Variants in CDK5RAP2 observed in about 807,000 individuals in gnomAD.
CDK5RAP2 encodes the protein CDK5 regulatory subunit associated protein 2, also known as CDK5 regulatory subunit-associated protein 2.
CDK5RAP2 carries 147 observed loss-of-function variants against 232.9 expected under a neutral mutation model. That is an observed-to-expected ratio of 0.63 (90% confidence interval 0.55 to 0.72). The LOEUF (loss-of-function observed/expected upper bound fraction) is 0.72, where lower values mean the gene tolerates loss of function less well. Ranked by LOEUF, CDK5RAP2 falls within the 30% of genes least tolerant of loss-of-function variation. CDK5RAP2 has a pLI of 0.00. For missense variants in CDK5RAP2, 2,195 were observed against 2,231.5 expected (o/e 0.98, Z 0.33); for synonymous variants, 833 against 833.7 (o/e 1.00, Z 0.01).
chr9:120,414,959 A>T, intron 28 of CDK5RAP2, 81 bp downstream of exon 28: 1 of 1,524,410 alleles, frequency 6.6e-7, no homozygotes, highest in Non-Finnish European at 9.1e-7. Context: ...CCTGCTTTGT[A>T]CACAGATGCT....
chr9:120,509,895 T>C (rs1172137914), intron 12 of CDK5RAP2, among the ~76,000 whole-genome samples: 1 of 152,192 alleles, frequency 6.6e-6, no homozygotes, highest in Non-Finnish European at 1.5e-5. Context: ...ACATAGGTCA[T>C]TTAAACTGCA....
In CDK5RAP2 at chr9:120,419,768, C is replaced by T. The variant is rs1373923338; in HGVS notation, c.4177+20G>A. 1.9e-6 allele frequency: 3 copies of T among 1,596,814 alleles called. No homozygotes were observed. Among genetic ancestry groups the T allele is most frequent in the Admixed American group, 3.3e-5 (2 of 60,008 alleles). On this transcript the variant is annotated intron_variant, in intron 27 of 37. Coordinates refer to ENST00000349780, the MANE Select transcript of CDK5RAP2 (RefSeq NM_018249.6). ...TTTTAATCAGGCCATGTTTAAAACACTTAATGAGGCTTAGCTTACCTTGAG... is the reference window on the plus strand; with the variant it reads ...TTTTAATCAGGCCATGTTTAAAACATTTAATGAGGCTTAGCTTACCTTGAG...
chr9:120,489,049 C>T (rs986498213), intron 13 of CDK5RAP2, among the ~76,000 whole-genome samples: 4 of 152,256 alleles, frequency 2.6e-5, no homozygotes, highest in African/African-American at 9.6e-5. Context: ...AGGCAAATGA[C>T]TGTAGGCACC....
intron 12 of CDK5RAP2, among the ~76,000 whole-genome samples, chr9:120,500,974 T>C (rs1218695874): frequency 1.3e-5 from 2 of 152,184 alleles, no homozygotes; most frequent in East Asian, 3.8e-4. Flanking sequence ...TTCCTACACC[T>C]GGGAGCTCCC....
intron 15 of CDK5RAP2, among the ~76,000 whole-genome samples, chr9:120,473,034 T>A (rs1187082769): frequency 1.3e-5 from 2 of 152,132 alleles, no homozygotes; most frequent in Non-Finnish European, 2.9e-5. Context: ...ATGGCAGAGA[T>A]CAGAACCAGT....
At chr9:120,400,148 C>CGTT (rs1235204712) in intron 35 of CDK5RAP2, among the ~76,000 whole-genome samples, 4 of 152,270 alleles carry the variant, frequency 2.6e-5, no homozygotes, top group Admixed American at 6.5e-5. Context: ...CCAGAGTGGG[C>CGTT]GTTCACCTTG....
intron 14 of CDK5RAP2, among the ~76,000 whole-genome samples, chr9:120,477,813 G>T (rs1007575312): frequency 1.3e-5 from 2 of 152,166 alleles, no homozygotes; most frequent in Non-Finnish European, 2.9e-5. Flanking sequence ...ATTCACTGTT[G>T]CTCCAAAGAA....
intron 32 of CDK5RAP2, 151 bp from the exon 33 acceptor site, chr9:120,404,264 G>A: frequency 1.5e-6 from 1 of 688,518 alleles, no homozygotes; most frequent in Non-Finnish European, 2.6e-6. Flanking sequence ...GTCCTGCCAA[G>A]CCCACCTTTG....
chr9:120,557,575 G>C (rs2042276477), intron 3 of CDK5RAP2, among the ~76,000 whole-genome samples: 1 of 151,996 alleles, frequency 6.6e-6, no homozygotes, highest in South Asian at 2.1e-4. Context: ...GGACAACATG[G>C]CGAAACCACT....
At chr9:120,559,926 C>T (rs188051591) in intron 3 of CDK5RAP2, among the ~76,000 whole-genome samples, 38 of 152,264 alleles carry the variant, frequency 2.5e-4, no homozygotes, top group Non-Finnish European at 4.1e-4. Context: ...GCCTGAAGTT[C>T]CATCTAAAAG....
chr9:120,502,740 C>A (rs2039632632), intron 12 of CDK5RAP2, among the ~76,000 whole-genome samples: 1 of 152,184 alleles, frequency 6.6e-6, no homozygotes, highest in African/African-American at 2.4e-5. Flanking sequence ...GGATCCTATG[C>A]AAATTTGTAT....
chr9:120,549,209 T>C (rs2041963874), intron 4 of CDK5RAP2, among the ~76,000 whole-genome samples: 1 of 150,730 alleles, frequency 6.6e-6, no homozygotes, highest in African/African-American at 2.4e-5. Context: ...AAATATAAGG[T>C]GCAGAACAGA....
chr9:120,543,751 A>G (rs1243311654), intron 5 of CDK5RAP2, among the ~76,000 whole-genome samples: 3 of 152,182 alleles, frequency 2.0e-5, no homozygotes, highest in Non-Finnish European at 4.4e-5. Flanking sequence ...CCAGCTACTC[A>G]GGAGGCTGAG....
chr9:120,391,662 C>A (rs2031992318), intron 36 of CDK5RAP2, among the ~76,000 whole-genome samples: 1 of 152,220 alleles, frequency 6.6e-6, no homozygotes, highest in African/African-American at 2.4e-5. Flanking sequence ...CTCTTAGGGT[C>A]CCACTGGGAT....
At position 120,464,682 on chromosome 9, in the gene CDK5RAP2, G is replaced by A. The variant is rs117671768; in HGVS notation, c.2106+3178C>T. 3.4e-3 allele frequency among the ~76,000 whole-genome samples: 513 copies of A among 152,120 alleles called. 1 individual carries two copies. The highest frequency in any genetic ancestry group is 6.0e-3 in the Non-Finnish European group (410 of 67,994). The stretch of plus-strand genomic sequence containing the variant: ...AAATATATGTGCACATTAAACTTCA[G>A]AAGCACTGCCCTATGGTGTTGCTAA... On this transcript the variant is annotated intron_variant, in intron 18 of 37. Coordinates refer to ENST00000349780, the MANE Select transcript of CDK5RAP2 (RefSeq NM_018249.6).
chr9:120,513,731 CAA>C (rs1264536610), intron 12 of CDK5RAP2, among the ~76,000 whole-genome samples: 1 of 152,216 alleles, frequency 6.6e-6, no homozygotes, highest in Non-Finnish European at 1.5e-5. Context: ...AGGGCTTGCA[CAA>C]AGTGTTCAAT....
intron 1 of CDK5RAP2, among the ~76,000 whole-genome samples, chr9:120,576,659 G>A (rs1029583491): frequency 1.4e-4 from 22 of 151,956 alleles, no homozygotes; most frequent in Non-Finnish European, 2.9e-4. Context: ...CCGAAATTGC[G>A]CCACTGCACT....
Position 120,406,992 on chromosome 9 carries a change from G to T in CDK5RAP2, c.4963+20C>A. 6.4e-7 allele frequency: 1 copy of T among 1,550,940 alleles called. No individual in the cohort carries two copies. Among genetic ancestry groups the T allele is most frequent in the Non-Finnish European group, 8.9e-7 (1 of 1,122,648 alleles). ...CTCAGAGCTGCATTCTCAGCAAGTG[G>T]GGAGAGGCAGGGGCAGTACCGTGTT... On this transcript the variant is annotated intron_variant, in intron 32 of 37. Transcript: ENST00000349780.
intron 34 of CDK5RAP2, among the ~76,000 whole-genome samples, chr9:120,402,408 TATC>T (rs1179493987): frequency 6.6e-6 from 1 of 152,232 alleles, no homozygotes; most frequent in Non-Finnish European, 1.5e-5. Flanking sequence ...GAGCAACAGT[TATC>T]ATCAAGAGCC....
Sources: allele counts gnomAD v4.1 joint callset (sites outside exome capture counted in the v4.1 genomes callset), GRCh38; gene constraint gnomAD v4.1.1; transcripts MANE v1.5; gene names NCBI Gene and HGNC (gene_info 2026-07-23, HGNC 2026-07-21).